The following RHOA variants were observed in gnomAD, a reference collection of about 807,000 sequenced individuals.
The protein encoded by RHOA is ras homolog family member A, also known as transforming protein RhoA.
In RHOA, 3 loss-of-function variants were observed where a neutral mutation model predicts 17.5. That is an observed-to-expected ratio of 0.17 (90% CI 0.08 to 0.44). RHOA has a LOEUF of 0.44. Among genes scored for constraint, RHOA ranks in the 20% least tolerant of loss-of-function variants. The pLI is 0.99. For synonymous variants in RHOA, 98 were observed against 88.4 expected (o/e 1.11, Z -0.61); for missense variants, 56 against 242.3 (o/e 0.23, Z 5.10).
intron 1 of RHOA, among the ~76,000 whole-genome samples, chr3:49,386,022 C>T (rs552083285): frequency 6.6e-6 from 1 of 152,184 alleles, no homozygotes; most frequent in East Asian, 1.9e-4. Context: ...AGTCCTCCAG[C>T]TTTGTTTTTT....
chr3:49,380,868 C>T (rs888305776), intron 1 of RHOA, among the ~76,000 whole-genome samples: 2 of 151,664 alleles, frequency 1.3e-5, no homozygotes, highest in Non-Finnish European at 2.9e-5. Context: ...ACTCAGAGGG[C>T]TGACAGTGCT....
At chr3:49,403,667 G>C (rs956597585) in intron 1 of RHOA, among the ~76,000 whole-genome samples, 1 of 152,100 alleles carries the variant, frequency 6.6e-6, no homozygotes, top group African/African-American at 2.4e-5. Flanking sequence ...CGAGGATGTA[G>C]TAAGCCATGA....
intron 1 of RHOA, among the ~76,000 whole-genome samples, chr3:49,404,433 A>ACACACACACACACACACACACAC (rs1553636256): frequency 0.016 from 1,462 of 90,708 alleles, 115 homozygotes; most frequent in East Asian, 0.13. Context: ...TCTCTAGTAA[A>ACACACACACACACACACACACAC]ACACACACAC....
intron 3 of RHOA, among the ~76,000 whole-genome samples, chr3:49,367,645 TG>T (rs1347932099): frequency 6.0e-5 from 9 of 150,526 alleles, no homozygotes; most frequent in Middle Eastern, 3.5e-3. Context: ...CCTCAGCCCC[TG>T]GAATAGCTGG....
In RHOA at chr3:49,397,955, G is replaced by A. The variant is rs72934235; in HGVS notation, c.-3+13865C>T. 6.4e-3 allele frequency among the ~76,000 whole-genome samples: 969 copies of A among 152,306 alleles called. 15 individuals carry two copies. Among genetic ancestry groups the A allele is most frequent in the African/African-American group, 0.022 (920 of 41,560 alleles). On this transcript the variant is annotated intron_variant, in intron 1 of 4. Coordinates refer to ENST00000418115, the MANE Select transcript of RHOA (RefSeq NM_001664.4). The stretch of plus-strand genomic sequence containing the variant: ...CTAAGGAATCTTAGCGGGACTGCTA[G>A]GCAGTGCTAAAAGCAGCCACCTTTG...
At chr3:49,371,044 G>A (rs1175964582) in intron 2 of RHOA, among the ~76,000 whole-genome samples, 1 of 151,952 alleles carries the variant, frequency 6.6e-6, no homozygotes, top group Non-Finnish European at 1.5e-5. Flanking sequence ...ATCACAATCT[G>A]TCTGCCCTCA....
At chr3:49,381,852 C>T (rs901361535) in intron 1 of RHOA, among the ~76,000 whole-genome samples, 2 of 142,980 alleles carry the variant, frequency 1.4e-5, no homozygotes, top group Non-Finnish European at 3.1e-5. Flanking sequence ...GCAACAAGAG[C>T]GAAAATTCGT....
chr3:49,405,257 C>CAA (rs56912055), intron 1 of RHOA, among the ~76,000 whole-genome samples: 2,490 of 109,284 alleles, frequency 0.023, 121 homozygotes, highest in East Asian at 0.08. Flanking sequence ...GACTGTGTCT[C>CAA]AAAAAAAAAA....
At chr3:49,374,572 C>G (rs2048194760) in intron 2 of RHOA, among the ~76,000 whole-genome samples, 1 of 151,636 alleles carries the variant, frequency 6.6e-6, no homozygotes, top group South Asian at 2.1e-4. Context: ...CAAGTATTAG[C>G]CAGGCATGGC....
At chr3:49,363,804 A>G (rs938822974) in intron 3 of RHOA, among the ~76,000 whole-genome samples, 3 of 151,966 alleles carry the variant, frequency 2.0e-5, no homozygotes, top group Non-Finnish European at 4.4e-5. Flanking sequence ...ATGAGTCGAG[A>G]TCGCAATACT....
chr3:49,400,446 G>A (rs2048704514), intron 1 of RHOA, among the ~76,000 whole-genome samples: 1 of 152,216 alleles, frequency 6.6e-6, no homozygotes, highest in East Asian at 1.9e-4. Flanking sequence ...AGAGGCCTCA[G>A]TGGCTTCCTG....
intron 4 of RHOA, 34 bp downstream of exon 4, chr3:49,362,462 G>C (rs2047987841): frequency 6.5e-7 from 1 of 1,544,984 alleles, no homozygotes; most frequent in African/African-American, 1.4e-5. Flanking sequence ...CCTAGTTCAA[G>C]AATACTACAA....
chr3:49,406,059 A>G (rs892050032), intron 1 of RHOA, among the ~76,000 whole-genome samples: 27 of 152,246 alleles, frequency 1.8e-4, no homozygotes, highest in Admixed American at 3.9e-4. Flanking sequence ...AAAGTTAAAC[A>G]AGAGATTTCA....
intron 2 of RHOA, among the ~76,000 whole-genome samples, chr3:49,369,622 C>G (rs1021330179): frequency 2.0e-5 from 3 of 151,820 alleles, no homozygotes; most frequent in Non-Finnish European, 4.4e-5. Flanking sequence ...GTAGTCCCAG[C>G]TACTGGAGAG....
intron 1 of RHOA, among the ~76,000 whole-genome samples, chr3:49,409,800 T>C (rs146978645): frequency 3.3e-4 from 51 of 152,298 alleles, no homozygotes; most frequent in Non-Finnish European, 6.0e-4. Context: ...CACCACCACA[T>C]GCATGTGCAC....
intron 1 of RHOA, among the ~76,000 whole-genome samples, chr3:49,400,504 T>A (rs1376903219): frequency 6.6e-6 from 1 of 152,144 alleles, no homozygotes; most frequent in African/African-American, 2.4e-5. Context: ...GCACTTCGTC[T>A]TTCAGTGCTG....
intron 1 of RHOA, among the ~76,000 whole-genome samples, chr3:49,393,367 C>T (rs757492684): frequency 3.3e-5 from 5 of 151,370 alleles, no homozygotes; most frequent in Admixed American, 6.6e-5. Flanking sequence ...AGTGCAGTGA[C>T]GTAATTATGG....
At chr3:49,399,312 G>A (rs1183133409) in intron 1 of RHOA, among the ~76,000 whole-genome samples, 1 of 151,508 alleles carries the variant, frequency 6.6e-6, no homozygotes, top group Non-Finnish European at 1.5e-5. Flanking sequence ...GGAGCTTGCA[G>A]TGAGCCGAGA....
At chr3:49,363,720 T>C (rs6446262) in intron 3 of RHOA, among the ~76,000 whole-genome samples, 121,900 of 151,848 alleles carry the variant, frequency 0.8, 49,324 homozygotes, top group East Asian at 0.99. Flanking sequence ...GGCGCAGTGG[T>C]GTGCACCTAT....
Sources: gnomAD v4.1 joint callset for allele counts (sites outside exome capture counted in the v4.1 genomes callset) on GRCh38, gnomAD v4.1.1 for gene constraint, MANE v1.5 for transcripts, NCBI Gene and HGNC (gene_info 2026-07-23, HGNC 2026-07-21) for gene names.